Variants in KCND3 observed in about 807,000 individuals in gnomAD.
KCND3 encodes the protein potassium voltage-gated channel subfamily D member 3.
Under a neutral mutation model 51.1 loss-of-function variants are expected in KCND3, and 9 were observed. The observed-to-expected ratio is 0.18, with a 90% CI of 0.11 to 0.31. The LOEUF (loss-of-function observed/expected upper bound fraction) is 0.31, where lower values mean the gene tolerates loss of function less well. KCND3 is among the 10% of genes least tolerant of loss of function. KCND3 has a pLI of 1.00. For synonymous variants in KCND3, 349 were observed against 368.0 expected (o/e 0.95, Z 0.59); for missense variants, 526 against 903.8 (o/e 0.58, Z 5.36).
chr1:111,926,781 C>T (rs550999893), intron 2 of KCND3, among the ~76,000 whole-genome samples: 8 of 152,380 alleles, frequency 5.3e-5, no homozygotes, highest in South Asian at 2.1e-4. Context: ...TCGGGGCTGA[C>T]GCAGGCAGCT....
intron 2 of KCND3, among the ~76,000 whole-genome samples, chr1:111,931,950 G>A (rs1044374915): frequency 2.0e-5 from 3 of 152,182 alleles, no homozygotes; most frequent in South Asian, 2.1e-4. Context: ...AAATGCAAAC[G>A]TAGTGTCTTC....
intron 2 of KCND3, among the ~76,000 whole-genome samples, chr1:111,972,394 G>A (rs1454476363): frequency 6.6e-6 from 1 of 151,834 alleles, no homozygotes; most frequent in Non-Finnish European, 1.5e-5. Flanking sequence ...GGATGGTCTC[G>A]ATCTCCTGAC....
intron 2 of KCND3, among the ~76,000 whole-genome samples, chr1:111,825,031 A>T (rs1048897851): frequency 6.6e-6 from 1 of 152,192 alleles, no homozygotes; most frequent in Non-Finnish European, 1.5e-5. Flanking sequence ...TAACAGTGTT[A>T]AAGATATCCT....
intron 2 of KCND3, among the ~76,000 whole-genome samples, chr1:111,956,083 G>A (rs1482887719): frequency 6.6e-6 from 1 of 152,120 alleles, no homozygotes; most frequent in African/African-American, 2.4e-5. Flanking sequence ...CTTAAAGTGA[G>A]GAAGGGGCAT....
intron 2 of KCND3, among the ~76,000 whole-genome samples, chr1:111,880,684 T>C (rs887324414): frequency 6.6e-6 from 1 of 152,226 alleles, no homozygotes; most frequent in Non-Finnish European, 1.5e-5. Context: ...TATGGCTCAT[T>C]TAAACCTTAT....
chr1:111,896,287 G>A (rs1389958255), intron 2 of KCND3, among the ~76,000 whole-genome samples: 1 of 152,244 alleles, frequency 6.6e-6, no homozygotes, highest in Non-Finnish European at 1.5e-5. Flanking sequence ...GTTGGAGGTG[G>A]TGAGAACACA....
At chr1:111,838,458 C>T (rs1021064752) in intron 2 of KCND3, among the ~76,000 whole-genome samples, 4 of 152,146 alleles carry the variant, frequency 2.6e-5, no homozygotes, top group African/African-American at 7.2e-5. Context: ...GAGTTCGAGA[C>T]CAGCCTGGCC....
intron 2 of KCND3, among the ~76,000 whole-genome samples, chr1:111,799,888 G>A (rs186186682): frequency 1.5e-4 from 23 of 152,338 alleles, no homozygotes; most frequent in Admixed American, 6.5e-4. Flanking sequence ...CTTCACTACC[G>A]GTCTCCTGTC....
chr1:111,898,756 G>A (rs189682453), intron 2 of KCND3, among the ~76,000 whole-genome samples: 1 of 152,280 alleles, frequency 6.6e-6, no homozygotes, highest in East Asian at 1.9e-4. Context: ...AGACCACAGA[G>A]TGTGGGGTCC....
At chr1:111,911,775 A>G (rs919741990) in intron 2 of KCND3, among the ~76,000 whole-genome samples, 8 of 152,260 alleles carry the variant, frequency 5.3e-5, no homozygotes, top group Non-Finnish European at 8.8e-5. Flanking sequence ...AACAACTAGA[A>G]AGTCATACAA....
chr1:111,982,718 G>T lies in KCND3; in HGVS notation c.9C>A (p.Ala3=), dbSNP rs777097802. 5.0e-6 allele frequency: 8 copies of T among 1,602,582 alleles called. No individual in the cohort carries two copies. The highest frequency in any genetic ancestry group is 5.9e-6 in the Non-Finnish European group (7 of 1,179,016). ...CAAAAGGCAGCCAGGCCGCAACTCC[G>T]GCCGCCATGGTGACTCCAGCTCTTG... MA[A]GVAAWLPFAR... Residue 3 remains alanine, a synonymous_variant, in exon 2 of 8, where the codon GCC becomes GCA. Transcript: ENST00000302127. This position sits in a 1 kb window ranked among gnomAD's most constrained non-coding sequence, Gnocchi z 8.5.
chr1:111,867,673 T>C (rs1668638523), intron 2 of KCND3, among the ~76,000 whole-genome samples: 1 of 152,158 alleles, frequency 6.6e-6, no homozygotes, highest in Non-Finnish European at 1.5e-5. Context: ...TCTCCTAGGG[T>C]AGTATGCACA....
At chr1:111,910,531 C>G (rs888476684) in intron 2 of KCND3, among the ~76,000 whole-genome samples, 5 of 152,208 alleles carry the variant, frequency 3.3e-5, no homozygotes, top group Non-Finnish European at 7.3e-5. Context: ...CCCACAGTGA[C>G]AGCAGCTTAG....
intron 2 of KCND3, among the ~76,000 whole-genome samples, chr1:111,964,423 T>A (rs1673849675): frequency 6.8e-6 from 1 of 147,104 alleles, no homozygotes; most frequent in African/African-American, 2.5e-5. Context: ...ATTCCCTCCC[T>A]CCCCCGGCCC....
chr1:111,792,082 A>G (rs1664855463), intron 2 of KCND3, among the ~76,000 whole-genome samples: 1 of 152,214 alleles, frequency 6.6e-6, no homozygotes, highest in Non-Finnish European at 1.5e-5. Flanking sequence ...TAACTGGATC[A>G]TGTCTAGAGA....
intron 2 of KCND3, among the ~76,000 whole-genome samples, chr1:111,794,366 G>A (rs945990783): frequency 3.9e-5 from 6 of 152,206 alleles, no homozygotes; most frequent in African/African-American, 9.7e-5. Context: ...GTGGGGGCAC[G>A]GCTGCCTGTG....
intron 2 of KCND3, among the ~76,000 whole-genome samples, chr1:111,787,998 C>T (rs967100600): frequency 2.0e-5 from 3 of 152,190 alleles, no homozygotes; most frequent in African/African-American, 7.2e-5. Context: ...TGAAGCTCAG[C>T]CCCTTAAAGC....
chr1:111,955,249 ATAAAAAAT>A (rs1169916394), intron 2 of KCND3, among the ~76,000 whole-genome samples: 2 of 152,042 alleles, frequency 1.3e-5, no homozygotes, highest in East Asian at 3.9e-4. Flanking sequence ...TCTCCAGAAA[ATAAAAAAT>A]TAAAAAATTA....
Position 111,776,766 on chromosome 1 carries a change from A to G in KCND3, c.1766+260T>C, listed in dbSNP as rs45576236. On this transcript the variant is annotated intron_variant, in intron 7 of 7. Coordinates refer to ENST00000302127, the MANE Select transcript of KCND3 (RefSeq NM_001378969.1). ...TGTATCTAGAGACACATTATTTTAT[A>G]TGTATATATATAATTATTTTTAAAG... Among the ~76,000 whole-genome samples the G allele has an allele frequency of 0.16, 24,633 of 151,834 alleles. 2,169 individuals are homozygous for G. The highest frequency in any genetic ancestry group is 0.2 in the Non-Finnish European group (13,521 of 67,922).
Sources: allele counts gnomAD v4.1 joint callset (sites outside exome capture counted in the v4.1 genomes callset), GRCh38; gene constraint gnomAD v4.1.1; non-coding constraint Gnocchi (gnomAD v3.1); transcripts MANE v1.5; gene names NCBI Gene and HGNC (gene_info 2026-07-23, HGNC 2026-07-21).